Variants in ZSWIM5 observed in about 807,000 individuals in gnomAD.
ZSWIM5 encodes zinc finger SWIM-type containing 5.
A neutral mutation model predicts 119.6 loss-of-function variants in ZSWIM5; 55 were observed. That is an observed-to-expected ratio of 0.46 (90% CI 0.37 to 0.58). ZSWIM5 has a LOEUF of 0.58. ZSWIM5 is among the 20% of genes least tolerant of loss of function. ZSWIM5 has a pLI of 0.00. For synonymous variants in ZSWIM5, 537 were observed against 606.9 expected (o/e 0.88, Z 1.69); for missense variants, 1,193 against 1,512.8 (o/e 0.79, Z 3.51).
intron 1 of ZSWIM5, among the ~76,000 whole-genome samples, chr1:45,101,905 G>A (rs568548172): frequency 6.6e-4 from 100 of 152,228 alleles, no homozygotes; most frequent in African/African-American, 2.3e-3. Context: ...TGGAGGGCAG[G>A]GGAAGGGATA....
intron 1 of ZSWIM5, among the ~76,000 whole-genome samples, chr1:45,198,272 T>C (rs1646137961): frequency 6.6e-6 from 1 of 152,200 alleles, no homozygotes; most frequent in South Asian, 2.1e-4. Flanking sequence ...TCCGGAGGCA[T>C]TTCACTGAAG....
Position 45,017,642 on chromosome 1 carries a change from T to C in ZSWIM5, c.*812A>G, listed in dbSNP as rs1644863210. On this transcript the variant is annotated 3_prime_UTR_variant, in exon 14 of 14. Transcript: ENST00000359600. ...CTAACACAAAGGTGACCACAGTAGA[T>C]GAATATTATGAACTCAGCGGCTTCC... 6.6e-6 allele frequency: 1 copy of C among 152,210 alleles called. No individual in the cohort carries two copies. The highest frequency in any genetic ancestry group is 2.4e-5 in the African/African-American group (1 of 41,452). 9.4% of individuals were successfully genotyped at this position (152,210 alleles called of 1,614,324 possible).
At chr1:45,142,628 A>G (rs1645734331) in intron 1 of ZSWIM5, among the ~76,000 whole-genome samples, 2 of 152,102 alleles carry the variant, frequency 1.3e-5, no homozygotes, top group Non-Finnish European at 2.9e-5. Flanking sequence ...TGCCTGGCCA[A>G]TAGTTGTATA....
intron 2 of ZSWIM5, among the ~76,000 whole-genome samples, chr1:45,075,250 C>T (rs182694338): frequency 2.2e-4 from 33 of 151,972 alleles, no homozygotes; most frequent in Admixed American, 2.0e-3. Context: ...AGATTAAATC[C>T]AATGTTTCTT....
Position 45,016,469 on chromosome 1 carries a change from T to TTGCCC in ZSWIM5, c.*1984_*1985insGGGCA, listed in dbSNP as rs1644854267. The TTGCCC allele has an allele frequency of 6.6e-6, 1 of 152,218 alleles. No homozygotes were observed. The allele number at this position is 152,218 out of a possible 1,614,324, so 9.4% of individuals were successfully genotyped here. On this transcript the variant is annotated 3_prime_UTR_variant, in exon 14 of 14. Transcript: ENST00000359600. ...AGAAAAGCACTGTGAATTCACACAC[T>TTGCCC]TGCTAAAAAAGGGCAACTGTGATAC...
Position 45,088,389 on chromosome 1 carries a change from T to C in ZSWIM5, c.596-152A>G. 1.7e-6 allele frequency: 1 copy of C among 605,774 alleles called. No homozygotes were observed. The highest frequency in any genetic ancestry group is 2.8e-6 in the Non-Finnish European group (1 of 354,840). The allele number at this position is 605,774 out of a possible 1,614,324, so 37.5% of individuals were successfully genotyped here. On this transcript the variant is annotated intron_variant, in intron 1 of 13. Transcript: ENST00000359600. This position sits in a 1 kb window ranked among gnomAD's most constrained non-coding sequence, Gnocchi z 4.2. ...GCTTTGCCACAGACACAGAGGTCAATGAAATTCAGTTACTGCTCTGAAGAA... is the reference window on the plus strand; with the variant it reads ...GCTTTGCCACAGACACAGAGGTCAACGAAATTCAGTTACTGCTCTGAAGAA...
In ZSWIM5 at chr1:45,175,162, A is replaced by G. The variant is rs552141285; in HGVS notation, c.595+30594T>C. ...GACTTCAGGCTAGCTATTTTGAAGA[A>G]TGTCCCTCAGTAGTGCCTGTTATTT... On this transcript the variant is annotated intron_variant, in intron 1 of 13. Coordinates refer to ENST00000359600, the MANE Select transcript of ZSWIM5 (RefSeq NM_020883.2). Among the ~76,000 whole-genome samples, 5 of 152,210 alleles carry G rather than the reference A, an allele frequency of 3.3e-5. No individual in the cohort carries two copies. The South Asian group carries it at 8.3e-4, about 25-fold the overall frequency.
At chr1:45,032,084 C>A (rs1644956642) in intron 11 of ZSWIM5, among the ~76,000 whole-genome samples, 1 of 151,912 alleles carries the variant, frequency 6.6e-6, no homozygotes. Flanking sequence ...TTTTTATTAT[C>A]GAATTCTAAT....
At chr1:45,161,598 AT>A (rs1198344528) in intron 1 of ZSWIM5, among the ~76,000 whole-genome samples, 2 of 151,766 alleles carry the variant, frequency 1.3e-5, no homozygotes, top group African/African-American at 2.4e-5. Flanking sequence ...CTCCCCCCAC[AT>A]TTTTTTTGGC....
At chr1:45,096,554 GCA>G (rs371529571) in intron 1 of ZSWIM5, among the ~76,000 whole-genome samples, 122 of 134,660 alleles carry the variant, frequency 9.1e-4, no homozygotes, top group Middle Eastern at 3.8e-3. Context: ...ACACACACAC[GCA>G]CACACACACA....
intron 2 of ZSWIM5, among the ~76,000 whole-genome samples, chr1:45,081,260 C>T (rs1219741898): frequency 6.6e-6 from 1 of 151,306 alleles, no homozygotes; most frequent in Non-Finnish European, 1.5e-5. Flanking sequence ...TCTCCCTCTC[C>T]CTCTCCCTCT....
At position 45,205,645 on chromosome 1, in the gene ZSWIM5, G is replaced by T. The variant is rs1646183304; in HGVS notation, c.595+111C>A. The T allele has an allele frequency of 5.2e-6, 6 of 1,161,434 alleles. No individual in the cohort carries two copies. In the East Asian group the frequency reaches 1.6e-4, roughly 31 times the overall value. The allele number at this position is 1,161,434 out of a possible 1,614,324, so 71.9% of individuals were successfully genotyped here. ...TGTGACTTGTTCGTCCTTCGGCAGG[G>T]GTACAGGAGTTGGGCAGAAGGCCGG... is the stretch of plus-strand genomic sequence containing the variant. On this transcript the variant is annotated intron_variant, in intron 1 of 13. Coordinates refer to ENST00000359600, the MANE Select transcript of ZSWIM5 (RefSeq NM_020883.2).
At chr1:45,067,655 T>A (rs1388208275) in intron 2 of ZSWIM5, among the ~76,000 whole-genome samples, 2 of 152,202 alleles carry the variant, frequency 1.3e-5, no homozygotes, top group Non-Finnish European at 2.9e-5. Context: ...ACAAATCATT[T>A]AAGTAGATAA....
chr1:45,050,450 A>G (rs1183505834), intron 5 of ZSWIM5, among the ~76,000 whole-genome samples: 1 of 152,204 alleles, frequency 6.6e-6, no homozygotes, highest in Non-Finnish European at 1.5e-5. Context: ...AGAATAATCA[A>G]TTGACAACAT....
At chr1:45,124,925 T>A (rs1409826621) in intron 1 of ZSWIM5, among the ~76,000 whole-genome samples, 2 of 152,196 alleles carry the variant, frequency 1.3e-5, no homozygotes, top group Non-Finnish European at 2.9e-5. Context: ...TGAACCAACA[T>A]GCTGCAAAAC....
chr1:45,071,926 T>C (rs921851105), intron 2 of ZSWIM5, among the ~76,000 whole-genome samples: 7 of 152,248 alleles, frequency 4.6e-5, no homozygotes, highest in Admixed American at 3.9e-4. Flanking sequence ...GATATACTGA[T>C]TTCCTTTTCT....
rs898504695 is a variant in ZSWIM5 at position 45,016,551 on chromosome 1, G to T, written c.*1903C>A. On this transcript the variant is annotated 3_prime_UTR_variant, in exon 14 of 14. Coordinates refer to ENST00000359600, the MANE Select transcript of ZSWIM5 (RefSeq NM_020883.2). ...ACCAACCCATTGGGCTGAGACGTAG[G>T]GGCCCTTGGCTGGACAGTAAGACTT... is the stretch of plus-strand genomic sequence containing the variant. 6.6e-6 allele frequency: 1 copy of T among 152,132 alleles called. No homozygotes were observed. The highest frequency in any genetic ancestry group is 2.4e-5 in the African/African-American group (1 of 41,410). The allele number at this position is 152,132 out of a possible 1,614,324, so 9.4% of individuals were successfully genotyped here. A position where few individuals can be genotyped will look rare whatever the true frequency, so the allele number is the denominator to read the frequency against.
At position 45,058,656 on chromosome 1, in the gene ZSWIM5, T is replaced by C. The variant is rs757749232; in HGVS notation, c.1205A>G (p.Gln402Arg). 7 of 1,614,138 alleles carry C rather than the reference T, an allele frequency of 4.3e-6. No homozygotes were observed. In the East Asian group the frequency reaches 1.6e-4, roughly 36 times the overall value. The change falls in exon 4 of 14, where the codon CAA becomes CGA. Residue 402 changes from glutamine to arginine, a missense_variant. Physicochemically the swap from Gln to Arg is conservative, Grantham distance 43. This residue lies in a region of ZSWIM5 where 961 missense variants were observed against 1,290.0 expected (regional missense o/e 0.74). Transcript: ENST00000359600. The part of the protein sequence containing the change: ...ADPRLTLWRQ[Q>R]GTNMTDKCRQ... Reference sequence around the variant, plus strand: ...GCACTTGTCTGTCATGTTTGTTCCTTGCTGCCTCCAGAGTGTGAGTCGTGG... The same window carrying C: ...GCACTTGTCTGTCATGTTTGTTCCTCGCTGCCTCCAGAGTGTGAGTCGTGG...
intron 5 of ZSWIM5, among the ~76,000 whole-genome samples, chr1:45,044,768 TATATATAAATATATATATATAA>T (rs1570017454): frequency 3.5e-4 from 1 of 2,894 alleles, no homozygotes; most frequent in East Asian, 0.014. Flanking sequence ...TATATATATA[TATATATAAATATATATATATAA>T]ATATATATAT....
Sources: gnomAD v4.1 joint callset for allele counts (sites outside exome capture counted in the v4.1 genomes callset) on GRCh38, gnomAD v4.1.1 for gene constraint, gnomAD v4.1.1 regional missense constraint, Gnocchi (gnomAD v3.1) non-coding constraint, MANE v1.5 for transcripts, NCBI Gene and HGNC (gene_info 2026-07-23, HGNC 2026-07-21) for gene names.